Variants in CADM1 observed in about 807,000 individuals in gnomAD.
CADM1 encodes the protein TSLC-1.
CADM1 carries 15 observed loss-of-function variants against 53.1 expected under a neutral mutation model. The ratio of observed to expected loss-of-function variants is 0.28; its 90% CI spans 0.19 to 0.44. The LOEUF (loss-of-function observed/expected upper bound fraction) is 0.44, where lower values mean the gene tolerates loss of function less well. Among genes scored for constraint, CADM1 ranks in the 20% least tolerant of loss-of-function variants. The pLI is 1.00. For synonymous variants in CADM1, 281 were observed against 243.0 expected (o/e 1.16, Z -1.45); for missense variants, 434 against 611.3 (o/e 0.71, Z 3.06).
intron 3 of CADM1, among the ~76,000 whole-genome samples, chr11:115,236,328 A>C (rs542454354): frequency 6.6e-6 from 1 of 152,302 alleles, no homozygotes; most frequent in Admixed American, 6.5e-5. Context: ...GATTTTGGAA[A>C]ATGAAGGACT....
chr11:115,314,037 G>A (rs1438746771), intron 1 of CADM1, among the ~76,000 whole-genome samples: 1 of 152,116 alleles, frequency 6.6e-6, no homozygotes, highest in Non-Finnish European at 1.5e-5. Flanking sequence ...GCAAGATATT[G>A]ATAACAATAT....
chr11:115,393,272 T>C (rs1177242020), intron 1 of CADM1, among the ~76,000 whole-genome samples: 4 of 151,474 alleles, frequency 2.6e-5, no homozygotes, highest in Admixed American at 6.6e-5. Flanking sequence ...AGGTGAAAAA[T>C]ATTAATATCA....
intron 1 of CADM1, among the ~76,000 whole-genome samples, chr11:115,432,638 T>G (rs1365096815): frequency 2.0e-5 from 3 of 152,236 alleles, no homozygotes; most frequent in Non-Finnish European, 4.4e-5. Flanking sequence ...ATATTTGTAT[T>G]GCTCAGGAGA....
intron 1 of CADM1, among the ~76,000 whole-genome samples, chr11:115,461,367 C>T (rs568857330): frequency 2.0e-5 from 3 of 152,030 alleles, no homozygotes; most frequent in African/African-American, 7.2e-5. Flanking sequence ...AAAAGCTGAA[C>T]AAAATTCTTA....
At chr11:115,428,676 T>C (rs76204460) in intron 1 of CADM1, among the ~76,000 whole-genome samples, 1 of 152,330 alleles carries the variant, frequency 6.6e-6, no homozygotes, top group African/African-American at 2.4e-5. Flanking sequence ...TCTTGCCTTG[T>C]TATAATTCTT....
intron 1 of CADM1, among the ~76,000 whole-genome samples, chr11:115,291,352 C>A (rs1384504463): frequency 6.6e-6 from 1 of 152,196 alleles, no homozygotes; most frequent in East Asian, 1.9e-4. Context: ...GAAGCAATAT[C>A]TTCAGTGTCT....
intron 1 of CADM1, among the ~76,000 whole-genome samples, chr11:115,331,200 A>G (rs1945120380): frequency 6.6e-6 from 1 of 152,178 alleles, no homozygotes; most frequent in Non-Finnish European, 1.5e-5. Context: ...GAAATAAGGA[A>G]GACATTGTTC....
chr11:115,294,681 G>C (rs188911295), intron 1 of CADM1, among the ~76,000 whole-genome samples: 1 of 152,150 alleles, frequency 6.6e-6, no homozygotes, highest in African/African-American at 2.4e-5. Context: ...TTTTCAAAAA[G>C]ATCTCAAAAA....
At chr11:115,493,869 T>A (rs1949551701) in intron 1 of CADM1, among the ~76,000 whole-genome samples, 1 of 152,050 alleles carries the variant, frequency 6.6e-6, no homozygotes, top group African/African-American at 2.4e-5. Context: ...AAAAAACAGG[T>A]GGCAAGCAGG....
intron 1 of CADM1, among the ~76,000 whole-genome samples, chr11:115,416,007 G>A (rs1338108048): frequency 1.3e-5 from 2 of 151,984 alleles, no homozygotes; most frequent in African/African-American, 2.4e-5. Flanking sequence ...AAGGAAAACC[G>A]AAAACAAACA....
At chr11:115,303,372 G>A (rs181443904) in intron 1 of CADM1, among the ~76,000 whole-genome samples, 39 of 152,124 alleles carry the variant, frequency 2.6e-4, no homozygotes, top group Non-Finnish European at 4.4e-4. Context: ...ATCATATAAT[G>A]TGTTGACGCT....
intron 1 of CADM1, among the ~76,000 whole-genome samples, chr11:115,283,213 C>T (rs1337212020): frequency 2.0e-5 from 3 of 152,142 alleles, no homozygotes; most frequent in Admixed American, 6.5e-5. Flanking sequence ...AAGAGGAAAG[C>T]ATTTTAGAGG....
intron 1 of CADM1, among the ~76,000 whole-genome samples, chr11:115,303,736 C>T (rs1349691528): frequency 6.6e-6 from 1 of 152,046 alleles, no homozygotes; most frequent in Non-Finnish European, 1.5e-5. Context: ...CCCCACAACC[C>T]TGTGCCCTAC....
In CADM1 at chr11:115,174,776, G is replaced by T; in HGVS notation, c.*1698C>A. Reference sequence around the variant, plus strand: ...ATATATATATAGATCTATCTTTTTTGATGCCATCTTTCCATAGGGACTGTT... The same window carrying T: ...ATATATATATAGATCTATCTTTTTTTATGCCATCTTTCCATAGGGACTGTT... On this transcript the variant is annotated 3_prime_UTR_variant, in exon 12 of 12. Transcript: ENST00000331581. 1.1e-6 allele frequency: 1 copy of T among 910,374 alleles called. No individual in the cohort carries two copies. Among genetic ancestry groups the T allele is most frequent in the Non-Finnish European group, 1.3e-6 (1 of 762,066 alleles). The allele number at this position is 910,374 out of a possible 1,614,324, so 56.4% of individuals were successfully genotyped here.
chr11:115,260,704 G>A (rs528023491), intron 1 of CADM1, among the ~76,000 whole-genome samples: 105 of 151,648 alleles, frequency 6.9e-4, no homozygotes, highest in African/African-American at 2.3e-3. Flanking sequence ...ACGGGGTCTC[G>A]CTCTGTTGCC....
intron 10 of CADM1, among the ~76,000 whole-genome samples, chr11:115,185,542 T>G (rs1267766657): frequency 6.6e-6 from 1 of 152,182 alleles, no homozygotes; most frequent in Non-Finnish European, 1.5e-5. Flanking sequence ...GGTTTTTTCT[T>G]GTTGATTTTT....
At chr11:115,413,644 C>CTTTTTTTTTT (rs71066424) in intron 1 of CADM1, among the ~76,000 whole-genome samples, 6 of 120,916 alleles carry the variant, frequency 5.0e-5, no homozygotes, top group Non-Finnish European at 7.1e-5. Flanking sequence ...CAGCTCAGTT[C>CTTTTTTTTTT]TTTTTTTTTT....
At chr11:115,454,428 TC>T (rs1792279115) in intron 1 of CADM1, among the ~76,000 whole-genome samples, 1 of 152,196 alleles carries the variant, frequency 6.6e-6, no homozygotes, top group African/African-American at 2.4e-5. Context: ...GGAAGTAAAT[TC>T]CTCCTCTTGG....
intron 9 of CADM1, among the ~76,000 whole-genome samples, chr11:115,196,595 T>TAAAAAAAAA (rs61694033): frequency 1.3e-4 from 10 of 76,836 alleles, no homozygotes; most frequent in Admixed American, 7.5e-4. Context: ...GCTGATGAAC[T>TAAAAAAAAA]AAAAAAAAAA....
Sources: gnomAD v4.1 joint callset for allele counts (sites outside exome capture counted in the v4.1 genomes callset) on GRCh38, gnomAD v4.1.1 for gene constraint, MANE v1.5 for transcripts, NCBI Gene and HGNC (gene_info 2026-07-23, HGNC 2026-07-21) for gene names.